SORCS3: variants seen among roughly 807,000 people sequenced by gnomAD.
SORCS3 encodes sortilin related VPS10 domain containing receptor 3, also known as VPS10 domain-containing receptor SorCS3.
A neutral mutation model predicts 146.3 loss-of-function variants in SORCS3; 57 were observed. That is an observed-to-expected ratio of 0.39 (90% CI 0.31 to 0.49). The LOEUF is 0.49. SORCS3 is among the 20% of genes least tolerant of loss of function. SORCS3 has a pLI of 0.92. For synonymous variants in SORCS3, 653 were observed against 618.5 expected, an observed-to-expected ratio of 1.06 and a Z score of -0.83; for missense variants, 1,341 against 1,575.5, an observed-to-expected ratio of 0.85 and a Z score of 2.52.
intron 2 of SORCS3, among the ~76,000 whole-genome samples, chr10:104,858,170 A>G (rs1196960542): frequency 6.6e-6 from 1 of 152,222 alleles, no homozygotes; most frequent in African/African-American, 2.4e-5. Flanking sequence ...ATGTTTTTCC[A>G]AAGCTTGAAA....
chr10:104,801,514 G>A (rs1589504388), intron 1 of SORCS3, among the ~76,000 whole-genome samples: 1 of 152,180 alleles, frequency 6.6e-6, no homozygotes, highest in East Asian at 1.9e-4. Context: ...ACAGATGAAT[G>A]CTCAATTGAA....
At chr10:105,138,122 G>A (rs2056070895) in intron 7 of SORCS3, among the ~76,000 whole-genome samples, 1 of 152,206 alleles carries the variant, frequency 6.6e-6, no homozygotes, top group South Asian at 2.1e-4. Flanking sequence ...GTAATTAGAT[G>A]TGGATGTTTC....
At chr10:104,777,595 G>T (rs7894345) in intron 1 of SORCS3, among the ~76,000 whole-genome samples, 6 of 152,296 alleles carry the variant, frequency 3.9e-5, no homozygotes, top group East Asian at 1.9e-4. Context: ...TGTCACAACT[G>T]GGGGGAGAGT....
intron 1 of SORCS3, among the ~76,000 whole-genome samples, chr10:104,662,257 T>C (rs2015712276): frequency 6.6e-6 from 1 of 152,238 alleles, no homozygotes; most frequent in African/African-American, 2.4e-5. Context: ...TCAGCTTTTA[T>C]TTCATTTTAA....
chr10:105,068,440 A>G (rs1306757291), intron 5 of SORCS3, among the ~76,000 whole-genome samples: 1 of 152,096 alleles, frequency 6.6e-6, no homozygotes, highest in Non-Finnish European at 1.5e-5. Context: ...CACTTCCTTC[A>G]GCCAGGTCCT....
chr10:105,021,666 C>T (rs894896309), intron 4 of SORCS3, among the ~76,000 whole-genome samples: 8 of 152,118 alleles, frequency 5.3e-5, no homozygotes, highest in Non-Finnish European at 7.3e-5. Context: ...TAAATACATA[C>T]CGCATAATAT....
intron 7 of SORCS3, among the ~76,000 whole-genome samples, chr10:105,118,655 A>G (rs2055910033): frequency 6.6e-6 from 1 of 152,188 alleles, no homozygotes; most frequent in Admixed American, 6.5e-5. Flanking sequence ...TGATATGGAC[A>G]AGGAAGTCCA....
intron 1 of SORCS3, among the ~76,000 whole-genome samples, chr10:104,763,957 T>C (rs1021953619): frequency 2.0e-5 from 3 of 151,986 alleles, no homozygotes; most frequent in South Asian, 4.2e-4. Context: ...GATTGTAAGT[T>C]TCCTGAGGCC....
At chr10:105,083,239 G>A (rs1214164747) in intron 5 of SORCS3, among the ~76,000 whole-genome samples, 6 of 151,788 alleles carry the variant, frequency 4.0e-5, no homozygotes, top group Non-Finnish European at 7.4e-5. Context: ...ACTATCTGAT[G>A]CTTTCTAGAA....
chr10:104,680,303 A>T (rs1473186984), intron 1 of SORCS3, among the ~76,000 whole-genome samples: 1 of 152,262 alleles, frequency 6.6e-6, no homozygotes, highest in East Asian at 1.9e-4. Context: ...ACACGGGGGC[A>T]GTGAGCAGCT....
intron 1 of SORCS3, among the ~76,000 whole-genome samples, chr10:104,713,655 A>G (rs2016444712): frequency 6.6e-6 from 1 of 152,194 alleles, no homozygotes. Context: ...ATTTGGTTGC[A>G]TTATATAATT....
chr10:104,679,630 T>C (rs2015948777), intron 1 of SORCS3, among the ~76,000 whole-genome samples: 1 of 152,230 alleles, frequency 6.6e-6, no homozygotes, highest in Non-Finnish European at 1.5e-5. Flanking sequence ...TGGAACTTTC[T>C]TCAGGGACTT....
At chr10:104,649,878 T>A (rs951884364) in intron 1 of SORCS3, among the ~76,000 whole-genome samples, 1 of 152,282 alleles carries the variant, frequency 6.6e-6, no homozygotes, top group Middle Eastern at 3.4e-3. Flanking sequence ...AGAATTGGCA[T>A]CCATGATACA....
At chr10:105,111,194 TC>T (rs2055856840) in intron 7 of SORCS3, among the ~76,000 whole-genome samples, 2 of 152,192 alleles carry the variant, frequency 1.3e-5, no homozygotes, top group South Asian at 4.1e-4. Context: ...GCCTGGGATG[TC>T]CCTTTACCAG....
chr10:104,666,858 C>T (rs993386181), intron 1 of SORCS3, among the ~76,000 whole-genome samples: 1 of 152,018 alleles, frequency 6.6e-6, no homozygotes, highest in African/African-American at 2.4e-5. Flanking sequence ...CTTATTTCAT[C>T]CTCACAAAGT....
chr10:105,042,254 C>T (rs1034588191), intron 4 of SORCS3, among the ~76,000 whole-genome samples: 1 of 152,230 alleles, frequency 6.6e-6, no homozygotes, highest in African/African-American at 2.4e-5. Context: ...TAGTAACTAA[C>T]TCTGCCTGGG....
intron 4 of SORCS3, among the ~76,000 whole-genome samples, chr10:104,988,620 T>C (rs1186667057): frequency 6.6e-6 from 1 of 152,212 alleles, no homozygotes; most frequent in East Asian, 1.9e-4. Context: ...GGTAATACTA[T>C]GATCTCAAAT....
chr10:104,885,348 A>AT lies in SORCS3; in HGVS notation c.696-30482dup, dbSNP rs555744605. 2.9e-4 allele frequency among the ~76,000 whole-genome samples: 44 copies of AT among 152,326 alleles called. 1 individual carries two copies. The South Asian group carries it at 6.6e-3, about 23-fold the overall frequency. On this transcript the variant is annotated intron_variant, in intron 2 of 26. Transcript: ENST00000369701. ...TTGTGCTGCCAGGAAGACTTAGTAG[A>AT]TTTAAGAGAGCATACACACTTGTGT...
At chr10:104,656,899 G>A (rs1488632174) in intron 1 of SORCS3, among the ~76,000 whole-genome samples, 4 of 152,200 alleles carry the variant, frequency 2.6e-5, no homozygotes, top group African/African-American at 9.6e-5. Context: ...TTTGGCAGAT[G>A]TAGTTGATTG....
Sources: gnomAD v4.1 joint callset for allele counts (sites outside exome capture counted in the v4.1 genomes callset) on GRCh38, gnomAD v4.1.1 for gene constraint, MANE v1.5 for transcripts, NCBI Gene and HGNC (gene_info 2026-07-23, HGNC 2026-07-21) for gene names.